Variants in ZER1 observed in about 807,000 individuals in gnomAD.
ZER1 encodes the protein protein zer-1 homolog.
Under a neutral mutation model 78.8 loss-of-function variants are expected in ZER1, and 11 were observed. The observed-to-expected ratio is 0.14, with a 90% CI of 0.09 to 0.23. The LOEUF (loss-of-function observed/expected upper bound fraction) is 0.23, where lower values mean the gene tolerates loss of function less well. Among genes scored for constraint, ZER1 ranks in the 10% least tolerant of loss-of-function variants. The probability of loss-of-function intolerance (pLI) is 1.00; values close to 1 mark genes in which losing one functional copy is unlikely to be tolerated. For synonymous variants in ZER1, 400 were observed against 407.0 expected (o/e 0.98, Z 0.21); for missense variants, 588 against 996.9 (o/e 0.59, Z 5.52).
chr9:128,733,788 T>TA (rs1012189236), intron 14 of ZER1, among the ~76,000 whole-genome samples: 2 of 145,466 alleles, frequency 1.4e-5, no homozygotes, highest in Non-Finnish European at 3.0e-5. Context: ...TTCTTTTTTT[T>TA]AAAAAAAAAT....
chr9:128,750,065 C>T (rs558500286), intron 8 of ZER1, among the ~76,000 whole-genome samples: 17 of 152,012 alleles, frequency 1.1e-4, no homozygotes, highest in Non-Finnish European at 1.3e-4. Context: ...AAATTGTTGG[C>T]GGATAAGGGA....
In ZER1 at chr9:128,754,089, T is replaced by A; in HGVS notation, c.159-130A>T. The A allele has an allele frequency of 2.6e-6, 3 of 1,175,592 alleles. No individual in the cohort carries two copies. The South Asian group carries it at 4.8e-5, about 19-fold the overall frequency. The allele number at this position is 1,175,592 out of a possible 1,614,324, so 72.8% of individuals were successfully genotyped here. A position where few individuals can be genotyped will look rare whatever the true frequency, so the allele number is the denominator to read the frequency against. The stretch of plus-strand genomic sequence containing the variant: ...TAGCAACCTCCTTCTCCTAAGAGTA[T>A]CTGGTCAGATCCTGACTAAACTACC... On this transcript the variant is annotated intron_variant, in intron 2 of 15. Transcript: ENST00000291900. This position sits in a 1 kb window ranked among gnomAD's most constrained non-coding sequence, Gnocchi z 4.3.
rs1433288837 is a variant in ZER1, at chr9:128,751,025, G to A, written c.1185+97C>T. ...GGTCCTGGGGCCCTGGGGACAGGGTGCAGAAGGACACAGGCTCTGGGGACA... is the reference window on the plus strand; with the variant it reads ...GGTCCTGGGGCCCTGGGGACAGGGTACAGAAGGACACAGGCTCTGGGGACA... On this transcript the variant is annotated intron_variant, in intron 7 of 15. Coordinates refer to ENST00000291900, the MANE Select transcript of ZER1 (RefSeq NM_006336.4). The surrounding 1 kb of genome is among the most constrained non-coding windows in gnomAD (Gnocchi z 5.4). 18 of 1,486,912 alleles carry A rather than the reference G, an allele frequency of 1.2e-5. No individual in the cohort carries two copies. The highest frequency in any genetic ancestry group is 2.8e-5 in the African/African-American group (2 of 71,708). The allele number at this position is 1,486,912 out of a possible 1,614,324, so 92.1% of individuals were successfully genotyped here.
intron 1 of ZER1, among the ~76,000 whole-genome samples, chr9:128,756,123 A>G (rs1863850300): frequency 6.6e-6 from 1 of 152,218 alleles, no homozygotes; most frequent in Non-Finnish European, 1.5e-5. Context: ...AAGGCTCCTT[A>G]CAAGAGCAAT....
At chr9:128,762,143 T>C (rs979925729) in intron 1 of ZER1, among the ~76,000 whole-genome samples, 13 of 152,042 alleles carry the variant, frequency 8.6e-5, no homozygotes, top group Admixed American at 3.3e-4. Flanking sequence ...CTGCTGTTGT[T>C]AGTGTTGGTG....
At chr9:128,769,588 A>G (rs181811996) in intron 1 of ZER1, among the ~76,000 whole-genome samples, 3 of 151,674 alleles carry the variant, frequency 2.0e-5, no homozygotes, top group Admixed American at 6.6e-5. Flanking sequence ...TAATTTTTGT[A>G]TTTTTAGTAG....
chr9:128,756,411 A>AGAGT (rs1351485599), intron 1 of ZER1, among the ~76,000 whole-genome samples: 2 of 152,380 alleles, frequency 1.3e-5, no homozygotes, highest in Admixed American at 1.3e-4. Context: ...CCTGGGCGAC[A>AGAGT]GAGTGAGACT....
intron 8 of ZER1, chr9:128,746,095 C>T (rs963498074): frequency 6.6e-6 from 1 of 152,222 alleles, no homozygotes; most frequent in African/African-American, 2.4e-5. Flanking sequence ...CTGCCTCAGC[C>T]TCCCAAAGTG....
At position 128,755,362 on chromosome 9, in the gene ZER1, A is replaced by T. The variant is rs373172256; in HGVS notation, c.158+46T>A. ...ACACGGTCCCAATCTCTCTATACAC[A>T]TTCATGGTAAGACCCCTGCCCCTCC... On this transcript the variant is annotated intron_variant, in intron 2 of 15. Transcript: ENST00000291900. The surrounding 1 kb of genome is among the most constrained non-coding windows in gnomAD (Gnocchi z 5.6). 41 of 1,609,572 alleles carry T rather than the reference A, an allele frequency of 2.5e-5. No individual in the cohort carries two copies. The highest frequency in any genetic ancestry group is 3.1e-5 in the Non-Finnish European group (37 of 1,176,576).
At position 128,734,144 on chromosome 9, in the gene ZER1, A is replaced by AAAAAATAT; in HGVS notation, c.2141-617_2141-616insATATTTTT. On this transcript the variant is annotated intron_variant, in intron 14 of 15. Coordinates refer to ENST00000291900, the MANE Select transcript of ZER1 (RefSeq NM_006336.4). ...CTCCGTCTCAAAAAAAAAAAAAAAAAATATATATATATATATATAAAATCT... is the reference window on the plus strand; with the variant it reads ...CTCCGTCTCAAAAAAAAAAAAAAAAAAAAAATATATATATATATATATATATAAAATCT... Among the ~76,000 whole-genome samples the AAAAAATAT allele has an allele frequency of 2.6e-3, 38 of 14,440 alleles. 3 individuals carry two copies. Among genetic ancestry groups the AAAAAATAT allele is most frequent in the African/African-American group, 6.9e-3 (37 of 5,350 alleles). 9.5% of individuals were successfully genotyped at this position (14,440 alleles called of 152,430 possible). A position where few individuals can be genotyped will look rare whatever the true frequency, so the allele number is the denominator to read the frequency against.
At chr9:128,766,582 A>G (rs900504393) in intron 1 of ZER1, among the ~76,000 whole-genome samples, 2 of 151,974 alleles carry the variant, frequency 1.3e-5, no homozygotes, top group African/African-American at 4.8e-5. Flanking sequence ...ACAGTGGCCT[A>G]CGCCTGTAAT....
intron 8 of ZER1, among the ~76,000 whole-genome samples, chr9:128,744,663 G>C (rs773305265): frequency 4.6e-5 from 7 of 151,424 alleles, no homozygotes; most frequent in Non-Finnish European, 1.0e-4. Flanking sequence ...ATTTTTAGTA[G>C]AGACAGGGTT....
In ZER1 at chr9:128,751,209, G is replaced by A; in HGVS notation, c.1098C>T (p.His366=). The A allele has an allele frequency of 1.2e-6, 2 of 1,609,548 alleles. No individual in the cohort carries two copies. Among genetic ancestry groups the A allele is most frequent in the Non-Finnish European group, 1.7e-6 (2 of 1,176,276 alleles). Residue 366 remains histidine (H), a synonymous_variant, in exon 7 of 16, where the codon CAC becomes CAT. Coordinates refer to ENST00000291900, the MANE Select transcript of ZER1 (RefSeq NM_006336.4). This position sits in a 1 kb window ranked among gnomAD's most constrained non-coding sequence, Gnocchi z 5.4. ...VLNAIEAYTE[H]RPEITSRAIN... ...TGGCCCGCGAGGTGATCTCAGGCCG[G>A]TGCTCCGTGTAGGCCTCGATGGCAT...
intron 1 of ZER1, among the ~76,000 whole-genome samples, chr9:128,765,068 C>A (rs367807222): frequency 6.6e-6 from 1 of 152,154 alleles, no homozygotes; most frequent in Non-Finnish European, 1.5e-5. Flanking sequence ...CTTACTCAAC[C>A]GACAAAATAT....
At chr9:128,766,208 G>A (rs1052248801) in intron 1 of ZER1, among the ~76,000 whole-genome samples, 18 of 151,988 alleles carry the variant, frequency 1.2e-4, no homozygotes, top group African/African-American at 4.4e-4. Context: ...AATTAGCAGG[G>A]CGTGGTGGCG....
In ZER1 at chr9:128,740,822, C is replaced by T. The variant is rs1238934151; in HGVS notation, c.1803G>A (p.Val601=). ...TCATTAGTTGAGGCCTCAGCTCCTT[C>T]ACTTCTGCCACATTCCCCAAAAGTC... ...MLGLLGNVAE[V]KELRPQLMTS... is the part of the protein sequence containing the mutation. Residue 601 remains valine, a synonymous_variant, in exon 12 of 16, where the codon GTG becomes GTA. Transcript: ENST00000291900. The surrounding 1 kb of genome is among the most constrained non-coding windows in gnomAD (Gnocchi z 4.4). The T allele has an allele frequency of 2.6e-6, 2 of 781,108 alleles. No homozygotes were observed. The highest frequency in any genetic ancestry group is 4.8e-6 in the Non-Finnish European group (2 of 418,138). The allele number at this position is 781,108 out of a possible 1,614,324, so 48.4% of individuals were successfully genotyped here.
Position 128,753,691 on chromosome 9 carries a change from G to A in ZER1, c.310-91C>T. On this transcript the variant is annotated intron_variant, in intron 3 of 15. Coordinates refer to ENST00000291900, the MANE Select transcript of ZER1 (RefSeq NM_006336.4). This position sits in a 1 kb window ranked among gnomAD's most constrained non-coding sequence, Gnocchi z 7.5. ...CCTGGGCTACAGGTGGGTTGGAAAG[G>A]GGGATGTGCACAGTCACGGTGCACA... is the stretch of plus-strand genomic sequence containing the variant. 2 of 1,564,094 alleles carry A rather than the reference G, an allele frequency of 1.3e-6. No individual in the cohort carries two copies. Among genetic ancestry groups the A allele is most frequent in the South Asian group, 1.2e-5 (1 of 84,496 alleles).
chr9:128,750,915 G>C (rs1272795575), intron 7 of ZER1, 126 bp from the exon 8 acceptor site: 1 of 1,447,562 alleles, frequency 6.9e-7, no homozygotes, highest in African/African-American at 1.4e-5. Context: ...CAGAAGTGGG[G>C]CCTGGGGAGC....
At chr9:128,748,141 C>T (rs1373319626) in intron 8 of ZER1, among the ~76,000 whole-genome samples, 3 of 152,088 alleles carry the variant, frequency 2.0e-5, no homozygotes, top group East Asian at 3.9e-4. Flanking sequence ...CATGGTGGCT[C>T]ATGCCTATAA....
Sources: allele counts gnomAD v4.1 joint callset (sites outside exome capture counted in the v4.1 genomes callset), GRCh38; gene constraint gnomAD v4.1.1; non-coding constraint Gnocchi (gnomAD v3.1); transcripts MANE v1.5; gene names NCBI Gene and HGNC (gene_info 2026-07-23, HGNC 2026-07-21).